Variants in PSMC5 observed in about 807,000 individuals in gnomAD.
PSMC5 encodes the protein proteasome 26S subunit, ATPase 5, also known as 26S proteasome regulatory subunit 8.
In PSMC5, 11 loss-of-function variants were observed where a neutral mutation model predicts 49.1. That is an observed-to-expected ratio of 0.22 (90% CI 0.14 to 0.37). PSMC5 has a LOEUF of 0.37. Ranked by LOEUF, PSMC5 falls within the 10% of genes least tolerant of loss-of-function variation. The pLI is 1.00. For synonymous variants in PSMC5, 206 were observed against 192.2 expected, an observed-to-expected ratio of 1.07 and a Z score of -0.59; for missense variants, 229 against 520.9, an observed-to-expected ratio of 0.44 and a Z score of 5.45.
Position 63,829,667 on chromosome 17 carries a change from G to A in PSMC5, c.166+104G>A, listed in dbSNP as rs1847831992. 3.9e-6 allele frequency: 5 copies of A among 1,289,632 alleles called. No homozygotes were observed. In the Admixed American group the frequency reaches 8.1e-5, roughly 21 times the overall value. The allele number at this position is 1,289,632 out of a possible 1,614,324, so 79.9% of individuals were successfully genotyped here. ...CAGCAGTGCTTACTGTTTTCTCCCT[G>A]TCATCATCTAGTAGTTTCACATGCA... On this transcript the variant is annotated intron_variant, in intron 3 of 11. Coordinates refer to ENST00000310144, the MANE Select transcript of PSMC5 (RefSeq NM_002805.6).
chr17:63,829,425 T>G, intron 2 of PSMC5, 69 bp from the exon 3 acceptor site: 2 of 1,452,566 alleles, frequency 1.4e-6, no homozygotes, highest in Non-Finnish European at 9.5e-7. Context: ...CTGTGAGGTC[T>G]TGGCCAAGAT....
At position 63,831,837 on chromosome 17, in the gene PSMC5, G is replaced by A. The variant is rs2040192627; in HGVS notation, c.1167+27G>A. 3 of 1,613,564 alleles carry A rather than the reference G, an allele frequency of 1.9e-6. No homozygotes were observed. Among genetic ancestry groups the A allele is most frequent in the Admixed American group, 3.3e-5 (2 of 60,008 alleles). On this transcript the variant is annotated intron_variant, in intron 11 of 11. Transcript: ENST00000310144. This position sits in a 1 kb window ranked among gnomAD's most constrained non-coding sequence, Gnocchi z 6.3. The stretch of plus-strand genomic sequence containing the variant: ...TATAGGCCTCCATCTTTGTGCCTTT[G>A]CCAGTGGTGGCTCTGGGGCAGTGGG...
chr17:63,827,438 C>G lies in PSMC5; in HGVS notation c.-53C>G, dbSNP rs1320571668. On this transcript the variant is annotated 5_prime_UTR_variant, in exon 1 of 12. Transcript: ENST00000310144. ...TTCAGGTCCCAATCCTCCGCTTCCGCGCTTGCGCGCCAAGACGGCTCGGAT... is the reference window on the plus strand; with the variant it reads ...TTCAGGTCCCAATCCTCCGCTTCCGGGCTTGCGCGCCAAGACGGCTCGGAT... The G allele has an allele frequency of 1.9e-6, 3 of 1,551,682 alleles. No individual in the cohort carries two copies. Among genetic ancestry groups the G allele is most frequent in the Non-Finnish European group, 2.6e-6 (3 of 1,146,966 alleles).
rs752094858 is a variant in PSMC5 at position 63,831,559 on chromosome 17, G to T, written c.1023G>T (p.Gly341=). Residue 341 remains glycine, a synonymous_variant, in exon 10 of 12, where the codon GGG becomes GGT. Coordinates refer to ENST00000310144, the MANE Select transcript of PSMC5 (RefSeq NM_002805.6). This position sits in a 1 kb window ranked among gnomAD's most constrained non-coding sequence, Gnocchi z 6.3. ...CTCGGAAGATGAACCTGACCCGGGG[G>T]ATCAACCTGAGAAAAATTGCTGAGC... ...IHSRKMNLTR[G]INLRKIAELM... The T allele has an allele frequency of 1.2e-6, 2 of 1,614,028 alleles. No homozygotes were observed. Among genetic ancestry groups the T allele is most frequent in the Admixed American group, 3.3e-5 (2 of 60,000 alleles).
chr17:63,829,439 A>ACCT, intron 2 of PSMC5, 55 bp from the exon 3 acceptor site: 1 of 1,513,120 alleles, frequency 6.6e-7, no homozygotes, highest in Non-Finnish European at 9.0e-7. Flanking sequence ...CCAAGATCCT[A>ACCT]CCTCCTCCTG....
chr17:63,828,034 T>C (rs1237562449), intron 1 of PSMC5, 104 bp from the exon 2 acceptor site: 7 of 1,420,144 alleles, frequency 4.9e-6, no homozygotes, highest in Non-Finnish European at 5.9e-6. Context: ...CTTTTTCTAC[T>C]ACGCAAAGCT....
intron 2 of PSMC5, chr17:63,828,480 C>A: frequency 3.0e-6 from 1 of 330,642 alleles, no homozygotes; most frequent in Non-Finnish European, 5.6e-6. Flanking sequence ...AGCCAAAGGT[C>A]AACCCTTTTG....
At chr17:63,827,608 G>A (rs1002123382) in intron 1 of PSMC5, 94 bp downstream of exon 1, 5 of 1,549,462 alleles carry the variant, frequency 3.2e-6, no homozygotes, top group East Asian at 2.4e-5. Flanking sequence ...AGGAGCGTCG[G>A]GTGGGTCGGA....
chr17:63,827,603 C>A, intron 1 of PSMC5, 89 bp downstream of exon 1: 1 of 1,549,500 alleles, frequency 6.5e-7, no homozygotes, highest in Non-Finnish European at 8.7e-7. Flanking sequence ...GGGGCAGGAG[C>A]GTCGGGTGGG....
chr17:63,827,508 A>C lies in PSMC5; in HGVS notation c.18A>C (p.Pro6=), dbSNP rs1275268202. Residue 6 remains proline, a synonymous_variant, in exon 1 of 12, where the codon CCA becomes CCC. Transcript: ENST00000310144. ...GAGAGAAGATGGCGCTTGACGGACC[A>C]GAGCAGGTATGGCGGGTGCAGTGGC... MALDG[P]EQMELEEGKA... is the part of the protein sequence containing the mutation. 7.7e-6 allele frequency: 12 copies of C among 1,551,770 alleles called. No individual in the cohort carries two copies. The highest frequency in any genetic ancestry group is 1.0e-5 in the Non-Finnish European group (12 of 1,147,004).
chr17:63,828,427 G>T lies in PSMC5; in HGVS notation c.96+218G>T, dbSNP rs547094421. The stretch of plus-strand genomic sequence containing the variant: ...TTGAGGGTCTTAGTGTTCACAGTTT[G>T]TTACACATCTTCGAGTCAAATCTTA... On this transcript the variant is annotated intron_variant, in intron 2 of 11. Transcript: ENST00000310144. 1.9e-4 allele frequency: 87 copies of T among 464,990 alleles called. 1 individual carries two copies. The South Asian group carries it at 2.7e-3, about 14-fold the overall frequency. The allele number at this position is 464,990 out of a possible 1,614,324, so 28.8% of individuals were successfully genotyped here.
rs2144614074 is a variant in PSMC5, at chr17:63,827,463, T to A, written c.-28T>A. 1 of 1,551,730 alleles carries A rather than the reference T, an allele frequency of 6.4e-7. No individual in the cohort carries two copies. Among genetic ancestry groups the A allele is most frequent in the Middle Eastern group, 1.7e-4 (1 of 5,992 alleles). On this transcript the variant is annotated 5_prime_UTR_variant, in exon 1 of 12. The change abolishes an upstream ATG in the 5' untranslated region. Transcript: ENST00000310144. ...CGCTTGCGCGCCAAGACGGCTCGGA[T>A]GCCGGCGGTCTCTGCTGAAGAGAGA...
At position 63,830,981 on chromosome 17, in the gene PSMC5, G is replaced by A. The variant is rs1455115369; in HGVS notation, c.679+46G>A. 8 of 1,612,486 alleles carry A rather than the reference G, an allele frequency of 5.0e-6. No homozygotes were observed. Among genetic ancestry groups the A allele is most frequent in the Admixed American group, 1.7e-5 (1 of 59,920 alleles). On this transcript the variant is annotated intron_variant, in intron 7 of 11. Transcript: ENST00000310144. The surrounding 1 kb of genome is among the most constrained non-coding windows in gnomAD (Gnocchi z 4.0). ...GAGAAGCAAGAGGTAGGGGTAGGGG[G>A]TTAGAGAGCTAATAAGCTAATAAGC...
Position 63,831,827 on chromosome 17 carries a change from T to C in PSMC5, c.1167+17T>C. 6.2e-7 allele frequency: 1 copy of C among 1,613,940 alleles called. No individual in the cohort carries two copies. Among genetic ancestry groups the C allele is most frequent in the Non-Finnish European group, 8.5e-7 (1 of 1,179,848 alleles). On this transcript the variant is annotated intron_variant, in intron 11 of 11. Coordinates refer to ENST00000310144, the MANE Select transcript of PSMC5 (RefSeq NM_002805.6). This position sits in a 1 kb window ranked among gnomAD's most constrained non-coding sequence, Gnocchi z 6.3. ...GTAGCCAAGGTATAGGCCTCCATCT[T>C]TGTGCCTTTGCCAGTGGTGGCTCTG...
Position 63,832,013 on chromosome 17 carries a change from C to T in PSMC5, c.*44C>T. The T allele has an allele frequency of 6.4e-7, 1 of 1,569,846 alleles. No homozygotes were observed. Among genetic ancestry groups the T allele is most frequent in the Non-Finnish European group, 8.8e-7 (1 of 1,139,882 alleles). On this transcript the variant is annotated 3_prime_UTR_variant, in exon 12 of 12. Transcript: ENST00000310144. Reference sequence around the variant, plus strand: ...TATCTCTCCAATAAAGCTCTGTGGGCCAAGTCCTCTAGGACTCCAGTCTGT... The same window carrying T: ...TATCTCTCCAATAAAGCTCTGTGGGTCAAGTCCTCTAGGACTCCAGTCTGT...
intron 1 of PSMC5, chr17:63,827,889 A>G (rs1714453337): frequency 7.0e-7 from 1 of 1,421,000 alleles, no homozygotes; most frequent in East Asian, 2.5e-5. Flanking sequence ...CGTCTATATC[A>G]TATCGCCTCT....
Position 63,830,742 on chromosome 17 carries a change from G to T in PSMC5, c.553-67G>T. 2 of 1,588,888 alleles carry T rather than the reference G, an allele frequency of 1.3e-6. No individual in the cohort carries two copies. Among genetic ancestry groups the T allele is most frequent in the Non-Finnish European group, 1.7e-6 (2 of 1,165,916 alleles). On this transcript the variant is annotated intron_variant, in intron 6 of 11. Coordinates refer to ENST00000310144, the MANE Select transcript of PSMC5 (RefSeq NM_002805.6). This position sits in a 1 kb window ranked among gnomAD's most constrained non-coding sequence, Gnocchi z 4.0. ...ACATCTAGCAAGGGACCCAGCACTC[G>T]GTAAATGTTCACTGAATGAAATGAG...
In PSMC5 at chr17:63,831,523, G is replaced by A; in HGVS notation, c.987G>A (p.Leu329=). 1 of 1,614,094 alleles carries A rather than the reference G, an allele frequency of 6.2e-7. No homozygotes were observed. The highest frequency in any genetic ancestry group is 8.5e-7 in the Non-Finnish European group (1 of 1,180,018). ...ATCTCCAGGCCCGGCTGGACATTTT[G>A]AAGATTCATTCTCGGAAGATGAACC... ...PPNEEARLDI[L]KIHSRKMNLT... Residue 329 remains leucine (L), a synonymous_variant, in exon 10 of 12, where the codon TTG becomes TTA. Transcript: ENST00000310144. The surrounding 1 kb of genome is among the most constrained non-coding windows in gnomAD (Gnocchi z 6.3).
chr17:63,828,346 G>C, intron 2 of PSMC5, 137 bp downstream of exon 2: 1 of 810,006 alleles, frequency 1.2e-6, no homozygotes, highest in Non-Finnish European at 2.0e-6. Flanking sequence ...TTCTTAGCTA[G>C]TAGGGTGTAT....
Sources: allele counts gnomAD v4.1 joint callset, GRCh38; gene constraint gnomAD v4.1.1; non-coding constraint Gnocchi (gnomAD v3.1); transcripts MANE v1.5; gene names NCBI Gene and HGNC (gene_info 2026-07-23, HGNC 2026-07-21).